Variants in SLC30A4 observed in about 807,000 individuals in gnomAD.
SLC30A4 encodes solute carrier family 30 member 4.
Under a neutral mutation model 41.7 loss-of-function variants are expected in SLC30A4, and 20 were observed. The ratio of observed to expected loss-of-function variants is 0.48; its 90% CI spans 0.34 to 0.70. The LOEUF is 0.70. Ranked by LOEUF, SLC30A4 falls within the 30% of genes least tolerant of loss-of-function variation. The pLI is 0.01. For synonymous variants in SLC30A4, 181 were observed against 195.9 expected, an observed-to-expected ratio of 0.92 and a Z score of 0.64; for missense variants, 441 against 529.3, an observed-to-expected ratio of 0.83 and a Z score of 1.64.
intron 3 of SLC30A4, among the ~76,000 whole-genome samples, chr15:45,501,124 G>A (rs1299834418): frequency 6.6e-6 from 1 of 151,314 alleles, no homozygotes; most frequent in Non-Finnish European, 1.5e-5. Context: ...TGGCTAACAT[G>A]GTGAAACCCC....
chr15:45,482,024 C>T lies in SLC30A4; in HGVS notation c.*3139G>A, dbSNP rs1157027599. On this transcript the variant is annotated 3_prime_UTR_variant, in exon 8 of 8. Transcript: ENST00000261867. ...TTTCTTGAGCCCAGGAGCTCAAGAC[C>T]AGCCTGGGCAACATAGGGAGACCCC... 1 of 133,782 alleles carries T rather than the reference C, an allele frequency of 7.5e-6. No homozygotes were observed. The highest frequency in any genetic ancestry group is 1.5e-5 in the Non-Finnish European group (1 of 65,744). The allele number at this position is 133,782 out of a possible 1,614,324, so 8.3% of individuals were successfully genotyped here.
Position 45,483,152 on chromosome 15 carries a change from T to C in SLC30A4, c.*2011A>G, listed in dbSNP as rs1475935858. ...ATTAGAGGGACCATCAATCCTTTTA[T>C]TGACACCATTAACTCCCAACAATCT... On this transcript the variant is annotated 3_prime_UTR_variant, in exon 8 of 8. Coordinates refer to ENST00000261867, the MANE Select transcript of SLC30A4 (RefSeq NM_013309.6). 2 of 152,232 alleles carry C rather than the reference T, an allele frequency of 1.3e-5. No individual in the cohort carries two copies. Among genetic ancestry groups the C allele is most frequent in the Non-Finnish European group, 2.9e-5 (2 of 68,038 alleles). 9.4% of individuals were successfully genotyped at this position (152,232 alleles called of 1,614,324 possible). A position where few individuals can be genotyped will look rare whatever the true frequency, so the allele number is the denominator to read the frequency against.
At position 45,481,205 on chromosome 15, in the gene SLC30A4, A is replaced by G. The variant is rs905468443; in HGVS notation, c.*3958T>C. ...GTTGAAAAGAAAACAGTAAAATAAG[A>G]AACCCGGTGATGTGGCAAAAAAACA... On this transcript the variant is annotated 3_prime_UTR_variant, in exon 8 of 8. Coordinates refer to ENST00000261867, the MANE Select transcript of SLC30A4 (RefSeq NM_013309.6). The G allele has an allele frequency of 3.3e-5, 5 of 152,236 alleles. No homozygotes were observed. The highest frequency in any genetic ancestry group is 9.6e-5 in the African/African-American group (4 of 41,468). The allele number at this position is 152,236 out of a possible 1,614,324, so 9.4% of individuals were successfully genotyped here.
chr15:45,501,127 G>A (rs112804609), intron 3 of SLC30A4, among the ~76,000 whole-genome samples: 14,873 of 148,452 alleles, frequency 0.1, 811 homozygotes, highest in Middle Eastern at 0.22. Context: ...CTAACATGGT[G>A]AAACCCCGTC....
Position 45,490,855 on chromosome 15 carries a change from G to A in SLC30A4, c.565C>T (p.Leu189=). ...AATCCCATAAGTATATACACCAACA[G>A]CACACTAATCATAGCTGACAAAACC... is the stretch of plus-strand genomic sequence containing the variant. The part of the protein sequence containing the change: ...LEVLSAMISV[L]LVYILMGFLL... Residue 189 remains leucine, a synonymous_variant, in exon 4 of 8, where the codon CTG becomes TTG. Coordinates refer to ENST00000261867, the MANE Select transcript of SLC30A4 (RefSeq NM_013309.6). The A allele has an allele frequency of 1.3e-6, 2 of 1,595,440 alleles. No homozygotes were observed. Among genetic ancestry groups the A allele is most frequent in the South Asian group, 1.1e-5 (1 of 87,552 alleles).
chr15:45,508,121 C>T (rs1199064192), intron 3 of SLC30A4, among the ~76,000 whole-genome samples: 3 of 151,952 alleles, frequency 2.0e-5, no homozygotes, highest in African/African-American at 7.3e-5. Flanking sequence ...CCATGTCCAG[C>T]CTAAAATGGT....
In SLC30A4 at chr15:45,521,946, G is replaced by A. The variant is rs765297004; in HGVS notation, c.391+18C>T. 1 of 1,603,448 alleles carries A rather than the reference G, an allele frequency of 6.2e-7. No individual in the cohort carries two copies. The highest frequency in any genetic ancestry group is 8.5e-7 in the Non-Finnish European group (1 of 1,172,328). On this transcript the variant is annotated intron_variant, in intron 2 of 7. Transcript: ENST00000261867. ...TCGAGGAAAGGTAAACGGAAAGTGA[G>A]TTGGCAACACAACTCACCTACAAGT...
chr15:45,496,197 A>C (rs570130241), intron 3 of SLC30A4, among the ~76,000 whole-genome samples: 1 of 152,344 alleles, frequency 6.6e-6, no homozygotes, highest in African/African-American at 2.4e-5. Context: ...TTTCATTTGA[A>C]TACATTAAGC....
intron 4 of SLC30A4, among the ~76,000 whole-genome samples, chr15:45,490,141 G>C (rs1014723170): frequency 2.0e-5 from 3 of 152,120 alleles, no homozygotes; most frequent in Non-Finnish European, 2.9e-5. Flanking sequence ...GCCCAGGCTG[G>C]AGTGCAGTGG....
At chr15:45,489,226 C>T (rs1276860352) in intron 4 of SLC30A4, among the ~76,000 whole-genome samples, 184 bp from the exon 5 acceptor site, 1 of 151,960 alleles carries the variant, frequency 6.6e-6, no homozygotes, top group African/African-American at 2.4e-5. Context: ...TATCCCTACC[C>T]CCATGGAGCT....
intron 2 of SLC30A4, among the ~76,000 whole-genome samples, chr15:45,517,478 C>T (rs1048294186): frequency 8.0e-5 from 12 of 150,852 alleles, no homozygotes; most frequent in African/African-American, 2.7e-4. Flanking sequence ...CTCGGCCTCC[C>T]GAGTAGCTGG....
rs943288911 is a variant in SLC30A4, at chr15:45,479,629, A to G, written c.*5534T>C. ...TATCCAGAAGATTTTTTTCAGTTTT[A>G]TTTCTTAAACATATAAGAGGGCATT... is the stretch of plus-strand genomic sequence containing the variant. On this transcript the variant is annotated 3_prime_UTR_variant, in exon 8 of 8. Coordinates refer to ENST00000261867, the MANE Select transcript of SLC30A4 (RefSeq NM_013309.6). 5 of 152,194 alleles carry G rather than the reference A, an allele frequency of 3.3e-5. No homozygotes were observed. The highest frequency in any genetic ancestry group is 3.4e-3 in the Middle Eastern group (1 of 294). 9.4% of individuals were successfully genotyped at this position (152,194 alleles called of 1,614,324 possible). A position where few individuals can be genotyped will look rare whatever the true frequency, so the allele number is the denominator to read the frequency against.
intron 7 of SLC30A4, 57 bp from the exon 8 acceptor site, chr15:45,485,374 A>C: frequency 8.0e-7 from 1 of 1,254,006 alleles, no homozygotes; most frequent in Non-Finnish European, 1.1e-6. Flanking sequence ...CTTGAATAAG[A>C]TACAGGGAAA....
intron 3 of SLC30A4, among the ~76,000 whole-genome samples, chr15:45,503,723 G>A (rs2140833598): frequency 6.6e-6 from 1 of 152,168 alleles, no homozygotes; most frequent in East Asian, 1.9e-4. Context: ...GAGGTGGGCA[G>A]ATCACCTGAG....
chr15:45,498,985 T>C (rs1891960233), intron 3 of SLC30A4, among the ~76,000 whole-genome samples: 1 of 152,090 alleles, frequency 6.6e-6, no homozygotes, highest in Admixed American at 6.6e-5. Context: ...CAATCCATCA[T>C]CTAGCCAGCT....
Position 45,486,748 on chromosome 15 carries a change from A to G in SLC30A4, c.1001-3T>C, listed in dbSNP as rs1423767901. 1 of 1,457,754 alleles carries G rather than the reference A, an allele frequency of 6.9e-7. No individual in the cohort carries two copies. Among genetic ancestry groups the G allele is most frequent in the Non-Finnish European group, 9.2e-7 (1 of 1,086,610 alleles). The allele number at this position is 1,457,754 out of a possible 1,614,324, so 90.3% of individuals were successfully genotyped here. A position where few individuals can be genotyped will look rare whatever the true frequency, so the allele number is the denominator to read the frequency against. The stretch of plus-strand genomic sequence containing the variant: ...TACATTCAAATGGCTTGGCACACCT[A>G]TTAGGAATATATAATTTCTAAGTAA... On this transcript the variant is annotated splice_region_variant and splice_polypyrimidine_tract_variant and intron_variant, in intron 6 of 7. Coordinates refer to ENST00000261867, the MANE Select transcript of SLC30A4 (RefSeq NM_013309.6).
chr15:45,517,221 T>G (rs1233766582), intron 2 of SLC30A4, among the ~76,000 whole-genome samples: 1 of 151,760 alleles, frequency 6.6e-6, no homozygotes, highest in Non-Finnish European at 1.5e-5. Context: ...CCTAGAGACT[T>G]GGGCTCTCTA....
chr15:45,509,999 A>G (rs903120922), intron 3 of SLC30A4, among the ~76,000 whole-genome samples: 1 of 152,064 alleles, frequency 6.6e-6, no homozygotes, highest in African/African-American at 2.4e-5. Flanking sequence ...TTGAGCCTGG[A>G]AGGTGGAGGT....
chr15:45,511,216 T>C lies in SLC30A4; in HGVS notation c.460A>G (p.Ile154Val), dbSNP rs1195322554. 6.2e-7 allele frequency: 1 copy of C among 1,613,576 alleles called. No individual in the cohort carries two copies. The highest frequency in any genetic ancestry group is 1.7e-4 in the Middle Eastern group (1 of 6,060). ...ALHMLTDLSA[I>V]ILTLLALWLS... is the part of the protein sequence containing the mutation. The stretch of plus-strand genomic sequence containing the variant: ...CACAAAGCAAGCAGGGTGAGTATGA[T>C]GGCGCTTAGGTCAGTTAACATATGA... Residue 154 changes from isoleucine to valine, a missense_variant, in exon 3 of 8, where the codon ATC (isoleucine) becomes GTC (valine). Physicochemically the swap from Ile to Val is conservative, Grantham distance 29. Coordinates refer to ENST00000261867, the MANE Select transcript of SLC30A4 (RefSeq NM_013309.6).
Sources: allele counts gnomAD v4.1 joint callset (sites outside exome capture counted in the v4.1 genomes callset), GRCh38; gene constraint gnomAD v4.1.1; transcripts MANE v1.5; gene names NCBI Gene and HGNC (gene_info 2026-07-23, HGNC 2026-07-21).